EYA4: variants seen among roughly 807,000 people sequenced by gnomAD.
EYA4 encodes the protein EYA transcriptional coactivator and phosphatase 4.
In EYA4, 31 loss-of-function variants were observed where a neutral mutation model predicts 87.9. The observed-to-expected ratio is 0.35, with a 90% CI of 0.27 to 0.48. The LOEUF is 0.48. Ranked by LOEUF, EYA4 falls within the 20% of genes least tolerant of loss-of-function variation. The pLI is 0.99. For missense variants in EYA4, 678 were observed against 761.4 expected (o/e 0.89, Z 1.29); for synonymous variants, 263 against 270.6 (o/e 0.97, Z 0.28).
At chr6:133,487,904 A>C (rs986033751) in intron 13 of EYA4, among the ~76,000 whole-genome samples, 1 of 152,118 alleles carries the variant, frequency 6.6e-6, no homozygotes, top group Non-Finnish European at 1.5e-5. Context: ...GCTTGGCAAC[A>C]GTGGGATAGG....
Position 133,263,901 on chromosome 6 carries a change from C to G in EYA4, c.-65-10815C>G, listed in dbSNP as rs897976279. Among the ~76,000 whole-genome samples the G allele has an allele frequency of 5.9e-5, 9 of 152,326 alleles. 1 individual carries two copies. The Middle Eastern group carries it at 0.01, about 173-fold the overall frequency. ...TGGGACTCTTCAGGCACCTGTTTCC[C>G]CATCCCAAGGTCTGCACATGGACTG... On this transcript the variant is annotated intron_variant, in intron 1 of 19. Coordinates refer to ENST00000355286, the MANE Select transcript of EYA4 (RefSeq NM_004100.5).
intron 2 of EYA4, among the ~76,000 whole-genome samples, chr6:133,331,711 G>A (rs1019526646): frequency 6.6e-6 from 1 of 152,132 alleles, no homozygotes; most frequent in African/African-American, 2.4e-5. Flanking sequence ...CTAGAGAGAG[G>A]ATAATTGACC....
intron 2 of EYA4, among the ~76,000 whole-genome samples, chr6:133,349,753 GC>G (rs1320097841): frequency 1.3e-5 from 2 of 152,076 alleles, no homozygotes; most frequent in Non-Finnish European, 2.9e-5. Context: ...GGCAAACAGT[GC>G]CTTGCCATTT....
intron 1 of EYA4, among the ~76,000 whole-genome samples, chr6:133,259,819 T>G (rs1414899941): frequency 6.6e-6 from 1 of 152,230 alleles, no homozygotes; most frequent in African/African-American, 2.4e-5. Context: ...CACACCTTGA[T>G]TCCTGAGAAA....
At chr6:133,513,080 T>C in intron 16 of EYA4, 42 bp downstream of exon 16, 1 of 1,555,248 alleles carries the variant, frequency 6.4e-7, no homozygotes. Context: ...ACTCTGGGTA[T>C]AGGTAGAATT....
In EYA4 at chr6:133,506,371, T is replaced by C. The variant is rs909803142; in HGVS notation, c.1281+176T>C. ...CAAATATAAGCAGAAAGTTAATTTG[T>C]GTTCATGAATAATACATATGTAGAA... On this transcript the variant is annotated intron_variant, in intron 14 of 19. Transcript: ENST00000355286. 1.1e-5 allele frequency: 6 copies of C among 537,852 alleles called. No individual in the cohort carries two copies. In the African/African-American group the frequency reaches 1.1e-4, roughly 10 times the overall value. 33.3% of individuals were successfully genotyped at this position (537,852 alleles called of 1,614,324 possible).
intron 2 of EYA4, among the ~76,000 whole-genome samples, chr6:133,352,898 C>T (rs1418467042): frequency 6.6e-6 from 1 of 152,188 alleles, no homozygotes; most frequent in African/African-American, 2.4e-5. Flanking sequence ...CTTCACATGT[C>T]TTAGCTCAAA....
intron 1 of EYA4, among the ~76,000 whole-genome samples, chr6:133,265,712 A>G (rs1018048727): frequency 6.6e-6 from 1 of 152,206 alleles, no homozygotes; most frequent in Non-Finnish European, 1.5e-5. Context: ...CCAAGTAACA[A>G]TTAATCTAAA....
At chr6:133,413,155 C>T (rs1331319451) in intron 3 of EYA4, among the ~76,000 whole-genome samples, 1 of 152,104 alleles carries the variant, frequency 6.6e-6, no homozygotes, top group Non-Finnish European at 1.5e-5. Context: ...TCAGCTAGGC[C>T]ATTAATCCTG....
intron 11 of EYA4, among the ~76,000 whole-genome samples, chr6:133,469,806 A>C (rs191949994): frequency 1.3e-5 from 2 of 152,070 alleles, no homozygotes; most frequent in Admixed American, 1.3e-4. Flanking sequence ...ATATGACATT[A>C]AAAACACAAT....
intron 10 of EYA4, among the ~76,000 whole-genome samples, chr6:133,467,699 T>C (rs1583363333): frequency 6.6e-6 from 1 of 151,866 alleles, no homozygotes; most frequent in East Asian, 1.9e-4. Context: ...TTTTTTCCTT[T>C]GGAACACATT....
chr6:133,530,704 T>C lies in EYA4; in HGVS notation c.*1899T>C. On this transcript the variant is annotated 3_prime_UTR_variant, in exon 20 of 20. Transcript: ENST00000355286. Reference sequence around the variant, plus strand: ...CATGTTTATATTGGGTAGAAAGATATTGAGATCCCAATTTTGTACAAGATT... The same window carrying C: ...CATGTTTATATTGGGTAGAAAGATACTGAGATCCCAATTTTGTACAAGATT... The C allele has an allele frequency of 2.0e-6, 2 of 985,742 alleles. No homozygotes were observed. Among genetic ancestry groups the C allele is most frequent in the Non-Finnish European group, 2.4e-6 (2 of 829,784 alleles). 61.1% of individuals were successfully genotyped at this position (985,742 alleles called of 1,614,324 possible).
intron 11 of EYA4, among the ~76,000 whole-genome samples, chr6:133,476,463 TCAA>T (rs1338029772): frequency 6.6e-6 from 1 of 152,116 alleles, no homozygotes; most frequent in Non-Finnish European, 1.5e-5. Context: ...TTCTACGAGT[TCAA>T]CTTTTTTGCA....
intron 2 of EYA4, among the ~76,000 whole-genome samples, chr6:133,354,453 G>A (rs939638602): frequency 6.6e-5 from 10 of 152,168 alleles, no homozygotes; most frequent in East Asian, 5.8e-4. Flanking sequence ...ACTGTTTCCC[G>A]AATGTTTACT....
At position 133,512,952 on chromosome 6, in the gene EYA4, G is replaced by A; in HGVS notation, c.1415G>A (p.Arg472Lys). 6.2e-7 allele frequency: 1 copy of A among 1,614,130 alleles called. No homozygotes were observed. The highest frequency in any genetic ancestry group is 8.5e-7 in the Non-Finnish European group (1 of 1,179,982). Residue 472 changes from arginine (R) to lysine (K), a missense_variant, in exon 16 of 20, where the codon AGA (arginine) becomes AAA (lysine). Physicochemically the swap from Arg to Lys is conservative, Grantham distance 26. Coordinates refer to ENST00000355286, the MANE Select transcript of EYA4 (RefSeq NM_004100.5). ...AACCTTTGTTTGCCAACAGGTGTAAGAGGAGGGGTTGACTGGATGAGGAAG... is the reference window on the plus strand; with the variant it reads ...AACCTTTGTTTGCCAACAGGTGTAAAAGGAGGGGTTGACTGGATGAGGAAG... ...SANLCLPTGVRGGVDWMRKLA... is the reference protein window; with the variant it reads ...SANLCLPTGVKGGVDWMRKLA...
intron 3 of EYA4, chr6:133,439,380 A>G (rs577698568): frequency 4.9e-4 from 75 of 152,258 alleles, no homozygotes; most frequent in African/African-American, 1.6e-3. Flanking sequence ...ACACCATTTC[A>G]CTCATTCATT....
At chr6:133,335,542 A>T (rs1031933441) in intron 2 of EYA4, among the ~76,000 whole-genome samples, 2 of 152,224 alleles carry the variant, frequency 1.3e-5, no homozygotes, top group African/African-American at 4.8e-5. Flanking sequence ...CATGCAAATA[A>T]GTATACAATC....
At chr6:133,419,081 C>T (rs1789996209) in intron 3 of EYA4, among the ~76,000 whole-genome samples, 1 of 152,092 alleles carries the variant, frequency 6.6e-6, no homozygotes, top group Admixed American at 6.6e-5. Flanking sequence ...TTCCTTTCAT[C>T]AATTTTTAAA....
intron 13 of EYA4, among the ~76,000 whole-genome samples, chr6:133,490,072 G>C (rs1403588927): frequency 6.6e-6 from 1 of 152,098 alleles, no homozygotes; most frequent in Non-Finnish European, 1.5e-5. Context: ...TTGTTAGTTT[G>C]TTGGTTTATG....
Sources: allele counts gnomAD v4.1 joint callset (sites outside exome capture counted in the v4.1 genomes callset), GRCh38; gene constraint gnomAD v4.1.1; transcripts MANE v1.5; gene names NCBI Gene and HGNC (gene_info 2026-07-23, HGNC 2026-07-21).